STK33: variants seen among roughly 807,000 people sequenced by gnomAD.
STK33 encodes the protein serine/threonine-protein kinase 33.
Under a neutral mutation model 58.0 loss-of-function variants are expected in STK33, and 52 were observed. The observed-to-expected ratio is 0.90, with a 90% CI of 0.72 to 1.13. The LOEUF is 1.13. STK33 is among the 50% of genes most tolerant of loss of function. The pLI, the probability that STK33 is intolerant of heterozygous loss-of-function variation, is 0.00. For synonymous variants in STK33, 215 were observed against 200.1 expected (o/e 1.07, Z -0.63); for missense variants, 630 against 604.2 (o/e 1.04, Z -0.45).
chr11:8,496,767 G>T (rs907030238), intron 1 of STK33, among the ~76,000 whole-genome samples: 7 of 151,822 alleles, frequency 4.6e-5, no homozygotes, highest in African/African-American at 1.7e-4. Flanking sequence ...GTAGACACAG[G>T]ATTTCACCGT....
intron 1 of STK33, among the ~76,000 whole-genome samples, chr11:8,574,024 A>T (rs905132666): frequency 2.0e-5 from 3 of 152,176 alleles, no homozygotes; most frequent in Non-Finnish European, 4.4e-5. Flanking sequence ...GTTACACAAG[A>T]CCTGCCTTGA....
At chr11:8,555,557 C>T (rs1022734557) in intron 1 of STK33, among the ~76,000 whole-genome samples, 2 of 151,750 alleles carry the variant, frequency 1.3e-5, no homozygotes, top group South Asian at 2.1e-4. Flanking sequence ...CCCAGTTACT[C>T]GGGAGGCTGA....
intron 6 of STK33, chr11:8,465,419 A>T (rs989602568): frequency 1.3e-5 from 2 of 152,302 alleles, no homozygotes; most frequent in African/African-American, 4.8e-5. Context: ...TAAAACCATC[A>T]TCCAAACCAA....
chr11:8,553,164 T>TAA (rs1180890233), intron 1 of STK33, among the ~76,000 whole-genome samples: 3 of 42,110 alleles, frequency 7.1e-5, no homozygotes, highest in South Asian at 1.1e-3. Context: ...TCTCCAAAAA[T>TAA]AAAATATATA....
the STK33 span, among the ~76,000 whole-genome samples, chr11:8,384,977 A>G: frequency 2.6e-5 from 4 of 152,092 alleles, no homozygotes; most frequent in African/African-American, 7.2e-5. Flanking sequence ...GCAGGACCCT[A>G]CACTAGAACT....
At chr11:8,462,611 CAAAG>C (rs1451268049) in intron 7 of STK33, among the ~76,000 whole-genome samples, 1 of 151,354 alleles carries the variant, frequency 6.6e-6, no homozygotes, top group African/African-American at 2.4e-5. Flanking sequence ...GACAGACAGA[CAAAG>C]AGAGACAGAG....
the STK33 span, among the ~76,000 whole-genome samples, chr11:8,352,286 C>T: frequency 4.6e-5 from 7 of 152,248 alleles, no homozygotes; most frequent in African/African-American, 1.4e-4. Flanking sequence ...AAGACTGATG[C>T]TACCATGGAC....
At chr11:8,446,506 C>A (rs1301237465) in intron 11 of STK33, among the ~76,000 whole-genome samples, 1 of 151,886 alleles carries the variant, frequency 6.6e-6, no homozygotes, top group Non-Finnish European at 1.5e-5. Context: ...TCTCCTATAG[C>A]CAAGACAATC....
At chr11:8,351,008 G>T in the STK33 span, among the ~76,000 whole-genome samples, 1 of 152,124 alleles carries the variant, frequency 6.6e-6, no homozygotes, top group Non-Finnish European at 1.5e-5. Flanking sequence ...GGAAACCCCA[G>T]GTGTTCCCTG....
At chr11:8,551,951 G>C (rs1956329316) in intron 1 of STK33, among the ~76,000 whole-genome samples, 1 of 141,114 alleles carries the variant, frequency 7.1e-6, no homozygotes, top group Non-Finnish European at 1.6e-5. Context: ...CTGCTGATTG[G>C]AGAGCTAAAG....
chr11:8,410,906 C>T (rs1227491907), intron 15 of STK33, among the ~76,000 whole-genome samples: 1 of 152,220 alleles, frequency 6.6e-6, no homozygotes, highest in Non-Finnish European at 1.5e-5. Context: ...TCTAGAGATT[C>T]CAGTCCCTTC....
chr11:8,472,095 T>G (rs116983523), intron 6 of STK33, among the ~76,000 whole-genome samples: 134 of 152,226 alleles, frequency 8.8e-4, no homozygotes, highest in South Asian at 1.9e-3. Context: ...TCCTGCTAAT[T>G]TTTTAAAAAT....
intron 1 of STK33, among the ~76,000 whole-genome samples, chr11:8,499,742 A>T (rs950015848): frequency 3.3e-5 from 5 of 152,156 alleles, no homozygotes; most frequent in Admixed American, 2.6e-4. Context: ...ATGCAGCCAT[A>T]AAAAAGGATG....
chr11:8,402,241 A>T (rs1421113625), intron 15 of STK33, among the ~76,000 whole-genome samples: 6 of 152,258 alleles, frequency 3.9e-5, no homozygotes, highest in Non-Finnish European at 8.8e-5. Context: ...GATAGACTGG[A>T]TTAAGAAAAT....
chr11:8,447,447 T>C (rs1272182304), intron 11 of STK33, among the ~76,000 whole-genome samples: 2 of 152,186 alleles, frequency 1.3e-5, no homozygotes, highest in African/African-American at 2.4e-5. Flanking sequence ...CATGATCAAG[T>C]GGGCTTCATC....
At chr11:8,430,003 C>T (rs182432790) in intron 14 of STK33, among the ~76,000 whole-genome samples, 9 of 152,266 alleles carry the variant, frequency 5.9e-5, no homozygotes, top group East Asian at 1.9e-4. Flanking sequence ...ACTCACATAA[C>T]GCTCCAAGGG....
At chr11:8,399,317 T>C (rs1849958811) in intron 15 of STK33, among the ~76,000 whole-genome samples, 1 of 152,134 alleles carries the variant, frequency 6.6e-6, no homozygotes, top group Non-Finnish European at 1.5e-5. Flanking sequence ...AGAAACTCAC[T>C]CAAAACCGCT....
At chr11:8,483,341 C>G (rs546197489) in intron 1 of STK33, among the ~76,000 whole-genome samples, 15 of 151,980 alleles carry the variant, frequency 9.9e-5, no homozygotes. Flanking sequence ...GAGAGAAAGT[C>G]GAGTCTCTCT....
At chr11:8,469,500 A>C (rs1260674793) in intron 6 of STK33, among the ~76,000 whole-genome samples, 1 of 152,182 alleles carries the variant, frequency 6.6e-6, no homozygotes, top group Non-Finnish European at 1.5e-5. Flanking sequence ...TGAACCCTTC[A>C]AAGTCTTCCA....
Sources: gnomAD v4.1 joint callset for allele counts (sites outside exome capture counted in the v4.1 genomes callset) on GRCh38, gnomAD v4.1.1 for gene constraint, MANE v1.5 for transcripts, NCBI Gene and HGNC (gene_info 2026-07-23, HGNC 2026-07-21) for gene names.